LBHD1: variants seen among roughly 807,000 people sequenced by gnomAD.
LBHD1 encodes the protein LBH domain containing 1.
A neutral mutation model predicts 31.1 loss-of-function variants in LBHD1; 28 were observed. The ratio of observed to expected loss-of-function variants is 0.90; its 90% CI spans 0.67 to 1.24. The LOEUF (loss-of-function observed/expected upper bound fraction) is 1.24. Among genes scored for constraint, LBHD1 ranks in the 50% most tolerant of loss-of-function variants. The pLI is 0.00. For synonymous variants in LBHD1, 105 were observed against 116.5 expected, an observed-to-expected ratio of 0.90 and a Z score of 0.63; for missense variants, 350 against 323.0, an observed-to-expected ratio of 1.08 and a Z score of -0.64.
chr11:62,665,215 C>A (rs1565125863), intron 4 of LBHD1: 3 of 791,534 alleles, frequency 3.8e-6, no homozygotes, highest in Non-Finnish European at 6.4e-6. Flanking sequence ...CCGCTCAGCG[C>A]CGGATCCGCG....
intron 4 of LBHD1, chr11:62,666,198 G>A (rs757741149): frequency 2.8e-6 from 2 of 718,766 alleles, no homozygotes; most frequent in East Asian, 5.4e-5. Flanking sequence ...AAATTAACCG[G>A]GCACGATGGC....
At chr11:62,665,750 C>A in intron 4 of LBHD1, 1 of 1,492,460 alleles carries the variant, frequency 6.7e-7, no homozygotes. Context: ...CTGCAGAGTT[C>A]GGGGAAGCTG....
At chr11:62,666,540 C>G in intron 4 of LBHD1, 1 of 1,614,158 alleles carries the variant, frequency 6.2e-7, no homozygotes, top group East Asian at 2.2e-5. Context: ...CTGCAGGAGG[C>G]ACAGGCTGCC....
Position 62,671,659 on chromosome 11 carries a change from C to T in LBHD1, c.-106G>A, listed in dbSNP as rs1264201024. On this transcript the variant is annotated 5_prime_UTR_variant, in exon 1 of 7. Transcript: ENST00000354588. ...GGTTTCTGCTATAGGGCGCTCTAGC[C>T]TGCGCCAAGGGGTAGTGAGACCGCG... 3.2e-6 allele frequency: 5 copies of T among 1,572,026 alleles called. No homozygotes were observed. In the East Asian group the frequency reaches 9.0e-5, roughly 28 times the overall value.
intron 5 of LBHD1, 27 bp from the exon 6 acceptor site, chr11:62,663,360 G>A: frequency 1.2e-6 from 2 of 1,608,002 alleles, no homozygotes; most frequent in Non-Finnish European, 1.7e-6. Flanking sequence ...AATAAAGAGA[G>A]CTAGGTTAAC....
chr11:62,671,032 G>A, intron 1 of LBHD1: 1 of 262,472 alleles, frequency 3.8e-6, no homozygotes, highest in South Asian at 3.7e-5. Flanking sequence ...CCTGGAAGTC[G>A]AGGCTTCAGT....
chr11:62,672,251 G>A lies in LBHD1; in HGVS notation c.-698C>T. ...ACTCTCCGGGGTCCTGTGAGCTGCC[G>A]TCGGGTGAGCACGTTTCCCCCAAAC... On this transcript the variant is annotated 5_prime_UTR_variant, in exon 1 of 7. In the 5' UTR this introduces an upstream ATG that the reference lacks. Coordinates refer to ENST00000354588, the MANE Select transcript of LBHD1 (RefSeq NM_024099.5). 1 of 914,732 alleles carries A rather than the reference G, an allele frequency of 1.1e-6. No homozygotes were observed. The highest frequency in any genetic ancestry group is 1.6e-6 in the Non-Finnish European group (1 of 615,684). 56.7% of individuals were successfully genotyped at this position (914,732 alleles called of 1,614,324 possible). A position where few individuals can be genotyped will look rare whatever the true frequency, so the allele number is the denominator to read the frequency against.
Position 62,671,734 on chromosome 11 carries a change from G to A in LBHD1, c.-181C>T, listed in dbSNP as rs374381892. 6.8e-6 allele frequency: 11 copies of A among 1,612,656 alleles called. No homozygotes were observed. Among genetic ancestry groups the A allele is most frequent in the Non-Finnish European group, 8.5e-6 (10 of 1,179,500 alleles). On this transcript the variant is annotated 5_prime_UTR_variant, in exon 1 of 7. Transcript: ENST00000354588. ...AGCTCCCGTGGGCGCTCCGCTGGCT[G>A]TGCAGGCGGCCATGGATTCCTTGCG... is the stretch of plus-strand genomic sequence containing the variant.
intron 4 of LBHD1, chr11:62,665,728 T>C: frequency 6.8e-7 from 1 of 1,461,450 alleles, no homozygotes; most frequent in Non-Finnish European, 9.0e-7. Context: ...GTCCGCGTTC[T>C]TTTTTCCGGG....
chr11:62,666,008 G>T (rs1412324785), intron 4 of LBHD1: 15 of 1,548,148 alleles, frequency 9.7e-6, no homozygotes, highest in Non-Finnish European at 1.3e-5. Context: ...GGGTAAGGTG[G>T]GTTCCTCGTG....
intron 1 of LBHD1, chr11:62,670,558 G>A (rs367941413): frequency 1.3e-5 from 2 of 154,476 alleles, no homozygotes; most frequent in Admixed American, 1.3e-4. Context: ...GTTTTCTTCT[G>A]TAAAGCAGAA....
At chr11:62,668,850 C>T (rs1315714078) in intron 3 of LBHD1, among the ~76,000 whole-genome samples, 4 of 151,420 alleles carry the variant, frequency 2.6e-5, no homozygotes, top group Non-Finnish European at 5.9e-5. Context: ...AAACAGTACA[C>T]AGAGATGAAA....
chr11:62,672,140 G>A lies in LBHD1; in HGVS notation c.-587C>T. 1 of 1,549,296 alleles carries A rather than the reference G, an allele frequency of 6.5e-7. No individual in the cohort carries two copies. Among genetic ancestry groups the A allele is most frequent in the Non-Finnish European group, 8.7e-7 (1 of 1,149,232 alleles). Reference sequence around the variant, plus strand: ...GACCGGACTTGCCTCCGTGGGCGCCGGACCTTGGCTTGGGCGCAGGAATCC... The same window carrying A: ...GACCGGACTTGCCTCCGTGGGCGCCAGACCTTGGCTTGGGCGCAGGAATCC... On this transcript the variant is annotated 5_prime_UTR_variant, in exon 1 of 7. Coordinates refer to ENST00000354588, the MANE Select transcript of LBHD1 (RefSeq NM_024099.5).
Position 62,662,817 on chromosome 11 carries a change from T to G in LBHD1, c.*312A>C. 1.9e-6 allele frequency: 1 copy of G among 516,466 alleles called. No homozygotes were observed. The highest frequency in any genetic ancestry group is 3.4e-6 in the Non-Finnish European group (1 of 293,058). The allele number at this position is 516,466 out of a possible 1,614,324, so 32.0% of individuals were successfully genotyped here. On this transcript the variant is annotated 3_prime_UTR_variant, in exon 7 of 7. Coordinates refer to ENST00000354588, the MANE Select transcript of LBHD1 (RefSeq NM_024099.5). ...ATTCCTACATTTAATCACACACATCTCAGAGTGCTAGGGCTTTATTACAAA... is the reference window on the plus strand; with the variant it reads ...ATTCCTACATTTAATCACACACATCGCAGAGTGCTAGGGCTTTATTACAAA...
intron 4 of LBHD1, chr11:62,666,341 G>A (rs778500640): frequency 1.9e-6 from 3 of 1,568,294 alleles, no homozygotes; most frequent in African/African-American, 1.3e-5. Context: ...GTGTATATAC[G>A]ACGTTTTTGC....
chr11:62,666,105 T>C lies in LBHD1; in HGVS notation c.539-1132A>G, dbSNP rs1590848681. ...GCTCACGGCTGTAATGCTAACACTT[T>C]GCCAGGCCGAGGCGGGCAGATCGCT... On this transcript the variant is annotated intron_variant, in intron 4 of 6. Coordinates refer to ENST00000354588, the MANE Select transcript of LBHD1 (RefSeq NM_024099.5). 4 of 909,196 alleles carry C rather than the reference T, an allele frequency of 4.4e-6. No homozygotes were observed. In the East Asian group the frequency reaches 1.1e-4, roughly 24 times the overall value. 56.3% of individuals were successfully genotyped at this position (909,196 alleles called of 1,614,324 possible).
chr11:62,664,172 A>G (rs1282423258), intron 5 of LBHD1, among the ~76,000 whole-genome samples: 1 of 151,720 alleles, frequency 6.6e-6, no homozygotes, highest in African/African-American at 2.4e-5. Context: ...GAAACTTACA[A>G]GTGAAATCCT....
chr11:62,666,149 C>A (rs1041301983), intron 4 of LBHD1: 2 of 728,544 alleles, frequency 2.7e-6, no homozygotes, highest in Admixed American at 2.8e-5. Context: ...GAGTTCGAGA[C>A]CAACCTAGGG....
Position 62,670,002 on chromosome 11 carries a change from C to T in LBHD1, c.30G>A (p.Glu10=), listed in dbSNP as rs1169407699. The stretch of plus-strand genomic sequence containing the variant: ...GGCTATTTCTAGTCCAAAGCCCATC[C>T]TCCTTGCTTCTCCCTGGCACAAGGG... MALVPGRSK[E]DGLWTRNSPG... The change falls in exon 2 of 7, where the codon GAG becomes GAA. Residue 10 remains glutamate (E), a synonymous_variant. Transcript: ENST00000354588. 1 of 1,612,834 alleles carries T rather than the reference C, an allele frequency of 6.2e-7. No individual in the cohort carries two copies. Among genetic ancestry groups the T allele is most frequent in the East Asian group, 2.2e-5 (1 of 44,896 alleles).
Sources: allele counts gnomAD v4.1 joint callset (sites outside exome capture counted in the v4.1 genomes callset), GRCh38; gene constraint gnomAD v4.1.1; transcripts MANE v1.5; gene names NCBI Gene and HGNC (gene_info 2026-07-23, HGNC 2026-07-21).